The following CACNA1B variants were observed in gnomAD, a reference collection of about 807,000 sequenced individuals.
CACNA1B encodes voltage-dependent N-type calcium channel subunit alpha-1B.
Under a neutral mutation model 247.2 loss-of-function variants are expected in CACNA1B, and 70 were observed. The ratio of observed to expected loss-of-function variants is 0.28; its 90% confidence interval spans 0.23 to 0.35. CACNA1B has a LOEUF of 0.35. CACNA1B is among the 10% of genes least tolerant of loss of function. The probability of loss-of-function intolerance (pLI) is 1.00; values close to 1 mark genes in which losing one functional copy is unlikely to be tolerated. For missense variants in CACNA1B, 2,367 were observed against 3,197.4 expected, an observed-to-expected ratio of 0.74 and a Z score of 6.26; for synonymous variants, 1,231 against 1,294.4, an observed-to-expected ratio of 0.95 and a Z score of 1.05.
At chr9:137,946,255 T>C (rs893260609) in intron 6 of CACNA1B, among the ~76,000 whole-genome samples, 1 of 152,224 alleles carries the variant, frequency 6.6e-6, no homozygotes, top group African/African-American at 2.4e-5. Flanking sequence ...GGGTTTCTTT[T>C]GTCCTTAGCC....
At chr9:137,998,588 C>T (rs985498674) in intron 15 of CACNA1B, among the ~76,000 whole-genome samples, 2 of 151,994 alleles carry the variant, frequency 1.3e-5, no homozygotes, top group African/African-American at 4.8e-5. Flanking sequence ...TCTCAAAAAA[C>T]AAAACAAAAC....
chr9:137,981,041 G>T (rs1204792994), intron 12 of CACNA1B, among the ~76,000 whole-genome samples: 2 of 152,204 alleles, frequency 1.3e-5, no homozygotes, highest in African/African-American at 4.8e-5. Flanking sequence ...GGATCAAATG[G>T]TAGTTCTATT....
intron 10 of CACNA1B, among the ~76,000 whole-genome samples, chr9:137,958,477 A>G (rs908701362): frequency 2.0e-5 from 3 of 152,116 alleles, no homozygotes; most frequent in African/African-American, 7.2e-5. Context: ...CTCCTAATCA[A>G]TTTGTCTGAT....
At chr9:137,989,812 A>G (rs943868306) in intron 15 of CACNA1B, among the ~76,000 whole-genome samples, 12 of 152,218 alleles carry the variant, frequency 7.9e-5, no homozygotes, top group African/African-American at 1.2e-4. Context: ...CATTTAGTAA[A>G]GTGGATGATT....
At position 138,058,339 on chromosome 9, in the gene CACNA1B, G is replaced by T; in HGVS notation, c.4308+89G>T. On this transcript the variant is annotated intron_variant, in intron 28 of 46. Transcript: ENST00000371372. This position sits in a 1 kb window ranked among gnomAD's most constrained non-coding sequence, Gnocchi z 4.7. Reference sequence around the variant, plus strand: ...CTGCACACAAATCACTCACAGCTGGGTCAGCTTTGGCTGCCACCGTCTGCC... The same window carrying T: ...CTGCACACAAATCACTCACAGCTGGTTCAGCTTTGGCTGCCACCGTCTGCC... 8.3e-7 allele frequency: 1 copy of T among 1,210,640 alleles called. No homozygotes were observed. Among genetic ancestry groups the T allele is most frequent in the Non-Finnish European group, 1.2e-6 (1 of 828,960 alleles). The allele number at this position is 1,210,640 out of a possible 1,614,324, so 75.0% of individuals were successfully genotyped here. A position where few individuals can be genotyped will look rare whatever the true frequency, so the allele number is the denominator to read the frequency against.
chr9:137,996,837 A>C (rs1958506601), intron 15 of CACNA1B, among the ~76,000 whole-genome samples: 2 of 152,126 alleles, frequency 1.3e-5, no homozygotes, highest in African/African-American at 2.4e-5. Context: ...CTTGATAATG[A>C]AAAAAACTAA....
chr9:138,094,145 A>G (rs750191287), intron 36 of CACNA1B, among the ~76,000 whole-genome samples: 3 of 152,018 alleles, frequency 2.0e-5, no homozygotes, highest in Non-Finnish European at 4.4e-5. Flanking sequence ...TGAAGACGTT[A>G]TGTTAGGTGA....
intron 35 of CACNA1B, among the ~76,000 whole-genome samples, chr9:138,077,185 T>C (rs1960354867): frequency 6.6e-6 from 1 of 152,126 alleles, no homozygotes; most frequent in Admixed American, 6.5e-5. Context: ...CCTCCGGCTG[T>C]CATCAGTGAG....
At chr9:138,109,326 C>T (rs1231094932) in intron 39 of CACNA1B, among the ~76,000 whole-genome samples, 1 of 152,218 alleles carries the variant, frequency 6.6e-6, no homozygotes, top group African/African-American at 2.4e-5. Context: ...TTTTAGCTTG[C>T]TCGGGCTGCC....
intron 20 of CACNA1B, among the ~76,000 whole-genome samples, chr9:138,029,835 G>A (rs538811886): frequency 2.6e-5 from 4 of 151,962 alleles, no homozygotes; most frequent in Non-Finnish European, 2.9e-5. Context: ...GGCTGGTTTC[G>A]AACTCCTGAC....
At chr9:137,900,966 CTGTGT>C (rs986085898) in intron 3 of CACNA1B, among the ~76,000 whole-genome samples, 1 of 142,470 alleles carries the variant, frequency 7.0e-6, no homozygotes, top group Non-Finnish European at 1.5e-5. Flanking sequence ...TGTGTCTGTG[CTGTGT>C]GTCTCTGTGT....
chr9:137,924,066 A>G (rs1302889558), intron 6 of CACNA1B, among the ~76,000 whole-genome samples: 1 of 152,114 alleles, frequency 6.6e-6, no homozygotes, highest in Non-Finnish European at 1.5e-5. Context: ...TTATCTTTTC[A>G]TACTTTTCAC....
At chr9:138,120,023 G>T in intron 44 of CACNA1B, 142 bp from the exon 45 acceptor site, 1 of 706,322 alleles carries the variant, frequency 1.4e-6, no homozygotes. Flanking sequence ...TACCATTTCA[G>T]GCCTGGGTCC....
chr9:137,936,039 A>T (rs1205933463), intron 6 of CACNA1B, among the ~76,000 whole-genome samples: 1 of 152,134 alleles, frequency 6.6e-6, no homozygotes, highest in East Asian at 1.9e-4. Context: ...GGTATTTTTT[A>T]GTAGAGACGG....
intron 34 of CACNA1B, 130 bp from the exon 35 acceptor site, chr9:138,075,689 T>C: frequency 1.6e-6 from 1 of 639,218 alleles, no homozygotes; most frequent in Non-Finnish European, 2.8e-6. Context: ...GTGGGAGTTC[T>C]CTGGTGTGGG....
intron 31 of CACNA1B, among the ~76,000 whole-genome samples, chr9:138,060,577 C>T (rs1165300932): frequency 1.3e-5 from 2 of 152,186 alleles, no homozygotes; most frequent in Non-Finnish European, 2.9e-5. Flanking sequence ...GCCTCTGCAC[C>T]CTCCGCACGG....
Position 138,057,470 on chromosome 9 carries a change from G to A in CACNA1B, c.3969-262G>A, listed in dbSNP as rs1175198611. 2.0e-5 allele frequency among the ~76,000 whole-genome samples: 3 copies of A among 152,162 alleles called. No individual in the cohort carries two copies. Among genetic ancestry groups the A allele is most frequent in the African/African-American group, 7.2e-5 (3 of 41,432 alleles). On this transcript the variant is annotated intron_variant, in intron 26 of 46. Coordinates refer to ENST00000371372, the MANE Select transcript of CACNA1B (RefSeq NM_000718.4). This position sits in a 1 kb window ranked among gnomAD's most constrained non-coding sequence, Gnocchi z 4.0. ...GCTCCATTCCCAGATTCGAGGTCAC[G>A]AAGTTTTGCCCCCGTTTTCCTCTAA... is the stretch of plus-strand genomic sequence containing the variant.
chr9:137,976,704 T>C (rs1958226969), intron 12 of CACNA1B, among the ~76,000 whole-genome samples: 1 of 127,892 alleles, frequency 7.8e-6, no homozygotes, highest in Non-Finnish European at 1.6e-5. Flanking sequence ...CCAACTTATG[T>C]AGGTAGGGGA....
intron 15 of CACNA1B, among the ~76,000 whole-genome samples, 154 bp from the exon 16 acceptor site, chr9:138,006,613 C>T (rs932863933): frequency 1.3e-5 from 2 of 152,298 alleles, no homozygotes; most frequent in South Asian, 2.1e-4. Context: ...CCCAGACCTT[C>T]GGAGACAGCA....
Sources: gnomAD v4.1 joint callset for allele counts (sites outside exome capture counted in the v4.1 genomes callset) on GRCh38, gnomAD v4.1.1 for gene constraint, Gnocchi (gnomAD v3.1) non-coding constraint, MANE v1.5 for transcripts, NCBI Gene and HGNC (gene_info 2026-07-23, HGNC 2026-07-21) for gene names.